Variants in XRCC1 observed in about 807,000 individuals in gnomAD.
XRCC1 encodes X-ray repair cross complementing 1, also known as DNA repair protein XRCC1.
In XRCC1, 52 loss-of-function variants were observed where a neutral mutation model predicts 83.3. The ratio of observed to expected loss-of-function variants is 0.62; its 90% CI spans 0.50 to 0.79. XRCC1 has a LOEUF of 0.79. XRCC1 is among the 30% of genes least tolerant of loss of function. The pLI is 0.00. For missense variants in XRCC1, 793 were observed against 823.5 expected, an observed-to-expected ratio of 0.96 and a Z score of 0.45; for synonymous variants, 281 against 312.6, an observed-to-expected ratio of 0.90 and a Z score of 1.07.
intron 8 of XRCC1, among the ~76,000 whole-genome samples, chr19:43,552,543 C>T (rs1389273584): frequency 6.7e-6 from 1 of 149,904 alleles, no homozygotes; most frequent in East Asian, 2.0e-4. Flanking sequence ...GGATCCAGGC[C>T]CCCAACCCCT....
intron 6 of XRCC1, 66 bp from the exon 7 acceptor site, chr19:43,553,157 A>G (rs1972599930): frequency 2.0e-6 from 3 of 1,475,008 alleles, no homozygotes; most frequent in Middle Eastern, 2.4e-4. Context: ...ACTCCTATCT[A>G]TGGGACACAG....
At chr19:43,546,360 T>C (rs1329612047) in intron 12 of XRCC1, among the ~76,000 whole-genome samples, 2 of 83,100 alleles carry the variant, frequency 2.4e-5, no homozygotes, top group African/African-American at 4.9e-5. Context: ...CAGCCCCTCC[T>C]CCCTCAGACC....
intron 3 of XRCC1, among the ~76,000 whole-genome samples, chr19:43,556,437 G>A (rs190507455): frequency 3.0e-4 from 46 of 152,270 alleles, no homozygotes; most frequent in African/African-American, 6.3e-4. Context: ...AATTCTTCTC[G>A]GGAGAACTCC....
At chr19:43,562,904 C>A (rs568090951) in intron 2 of XRCC1, among the ~76,000 whole-genome samples, 75 of 152,342 alleles carry the variant, frequency 4.9e-4, no homozygotes, top group Admixed American at 2.7e-3. Flanking sequence ...CTCTGCCAGG[C>A]AGTTGCTATA....
intron 14 of XRCC1, among the ~76,000 whole-genome samples, chr19:43,544,698 G>A (rs1054975493): frequency 6.6e-6 from 1 of 152,092 alleles, no homozygotes; most frequent in Non-Finnish European, 1.5e-5. Context: ...GTAGAGAGAC[G>A]GGGTATTGAC....
Position 43,551,716 on chromosome 19 carries a change from G to A in XRCC1, c.1083-29C>T, listed in dbSNP as rs771881086. 3 of 1,571,626 alleles carry A rather than the reference G, an allele frequency of 1.9e-6. No homozygotes were observed. The South Asian group carries it at 3.3e-5, about 17-fold the overall frequency. On this transcript the variant is annotated intron_variant, in intron 9 of 16. Coordinates refer to ENST00000262887, the MANE Select transcript of XRCC1 (RefSeq NM_006297.3). ...GTGGGGGGCAGAAGTGAAGATGCCAGTTAGGTGTGATCTGAGGGGCAAAGG... is the reference window on the plus strand; with the variant it reads ...GTGGGGGGCAGAAGTGAAGATGCCAATTAGGTGTGATCTGAGGGGCAAAGG...
chr19:43,553,953 C>T (rs1384066690), intron 4 of XRCC1, among the ~76,000 whole-genome samples: 1 of 152,164 alleles, frequency 6.6e-6, no homozygotes, highest in African/African-American at 2.4e-5. Flanking sequence ...AATTCACTGC[C>T]CTATGCACAA....
intron 10 of XRCC1, among the ~76,000 whole-genome samples, chr19:43,548,333 AGG>A (rs1972539142): frequency 6.6e-6 from 1 of 152,204 alleles, no homozygotes; most frequent in Non-Finnish European, 1.5e-5. Context: ...GGAATAGAAA[AGG>A]GGGAAAGGTG....
At chr19:43,546,500 C>A in intron 12 of XRCC1, 95 bp downstream of exon 12, 2 of 1,416,860 alleles carry the variant, frequency 1.4e-6, no homozygotes, top group South Asian at 1.3e-5. Context: ...CAGGCCCCAG[C>A]CCCTCCTCCC....
At chr19:43,570,678 G>A (rs1972799064) in intron 2 of XRCC1, among the ~76,000 whole-genome samples, 1 of 152,166 alleles carries the variant, frequency 6.6e-6, no homozygotes, top group Non-Finnish European at 1.5e-5. Flanking sequence ...CCAGCTATCT[G>A]GGAGGCTGAG....
chr19:43,574,686 G>A, intron 2 of XRCC1: 1 of 544,610 alleles, frequency 1.8e-6, no homozygotes, highest in Non-Finnish European at 3.3e-6. Context: ...GATGCCACCT[G>A]CCCAGGACCA....
intron 2 of XRCC1, 84 bp downstream of exon 2, chr19:43,574,826 C>T (rs1972838019): frequency 8.8e-7 from 1 of 1,130,182 alleles, no homozygotes; most frequent in Non-Finnish European, 1.3e-6. Flanking sequence ...AGTGACTAAA[C>T]CCACTGCCAG....
chr19:43,547,578 T>C (rs1467895542), intron 10 of XRCC1, among the ~76,000 whole-genome samples: 4 of 151,360 alleles, frequency 2.6e-5, no homozygotes, highest in African/African-American at 9.7e-5. Flanking sequence ...CCTCCCAGGG[T>C]TCGAGCGAGT....
chr19:43,544,925 G>T (rs1475933), intron 14 of XRCC1, among the ~76,000 whole-genome samples: 2 of 151,876 alleles, frequency 1.3e-5, no homozygotes, highest in Non-Finnish European at 2.9e-5. Flanking sequence ...CTCAAAGTAC[G>T]GGGTGAGCCA....
At chr19:43,555,743 G>T (rs748519515) in intron 3 of XRCC1, among the ~76,000 whole-genome samples, 2 of 152,160 alleles carry the variant, frequency 1.3e-5, no homozygotes, top group Admixed American at 6.5e-5. Flanking sequence ...GTAACACCTA[G>T]TTACTGGTTC....
At chr19:43,567,974 A>T (rs1477094397) in intron 2 of XRCC1, among the ~76,000 whole-genome samples, 4 of 150,920 alleles carry the variant, frequency 2.7e-5, no homozygotes, top group Admixed American at 1.3e-4. Flanking sequence ...TCCCGGGTTC[A>T]AACAATTCTC....
intron 3 of XRCC1, among the ~76,000 whole-genome samples, chr19:43,559,226 G>C (rs1972670592): frequency 6.6e-6 from 1 of 151,972 alleles, no homozygotes; most frequent in Admixed American, 6.6e-5. Context: ...GCTCACACCT[G>C]TAATCCCAGC....
At chr19:43,569,928 TC>T (rs1319170986) in intron 2 of XRCC1, among the ~76,000 whole-genome samples, 11 of 152,170 alleles carry the variant, frequency 7.2e-5, no homozygotes, top group African/African-American at 2.4e-4. Context: ...GCAAAATGAA[TC>T]TATGCTGTTA....
intron 3 of XRCC1, 149 bp from the exon 4 acceptor site, chr19:43,554,953 G>A: frequency 1.2e-6 from 1 of 809,788 alleles, no homozygotes; most frequent in Non-Finnish European, 1.9e-6. Context: ...CAGACCCTTT[G>A]TTTCTAGGCC....
Sources: allele counts gnomAD v4.1 joint callset (sites outside exome capture counted in the v4.1 genomes callset), GRCh38; gene constraint gnomAD v4.1.1; transcripts MANE v1.5; gene names NCBI Gene and HGNC (gene_info 2026-07-23, HGNC 2026-07-21).